Variants in CCDC88A observed in about 807,000 individuals in gnomAD.
CCDC88A encodes the protein coiled-coil and HOOK domain protein 88A, also known as girdin.
Under a neutral mutation model 234.3 loss-of-function variants are expected in CCDC88A, and 54 were observed. That is an observed-to-expected ratio of 0.23 (90% CI 0.19 to 0.29). The LOEUF (loss-of-function observed/expected upper bound fraction) is 0.29, where lower values mean the gene tolerates loss of function less well. Ranked by LOEUF, CCDC88A falls within the 10% of genes least tolerant of loss-of-function variation. The pLI is 1.00. For synonymous variants in CCDC88A, 753 were observed against 737.8 expected (o/e 1.02, Z -0.33); for missense variants, 1,832 against 2,123.4 (o/e 0.86, Z 2.70).
At chr2:55,378,790 G>A (rs1318505052) in intron 3 of CCDC88A, among the ~76,000 whole-genome samples, 2 of 148,196 alleles carry the variant, frequency 1.3e-5, no homozygotes, top group African/African-American at 5.1e-5. Flanking sequence ...CTGTCACCCA[G>A]GCTGGAGTGC....
rs778619367 is a variant in CCDC88A at position 55,317,355 on chromosome 2, G to A, written c.3603-6C>T. On this transcript the variant is annotated splice_polypyrimidine_tract_variant and splice_region_variant and intron_variant, in intron 20 of 32. Coordinates refer to ENST00000436346, the MANE Select transcript of CCDC88A (RefSeq NM_001365480.1). The surrounding 1 kb of genome is among the most constrained non-coding windows in gnomAD (Gnocchi z 4.2). ...GTTTTAATAACTGATTGTAACTGGG[G>A]GGAAAAAAGGCATTTGGTTTATAAT... The A allele has an allele frequency of 1.4e-6, 2 of 1,455,432 alleles. No individual in the cohort carries two copies. The highest frequency in any genetic ancestry group is 1.8e-6 in the Non-Finnish European group (2 of 1,099,164). The allele number at this position is 1,455,432 out of a possible 1,614,324, so 90.2% of individuals were successfully genotyped here. A position where few individuals can be genotyped will look rare whatever the true frequency, so the allele number is the denominator to read the frequency against.
At chr2:55,358,791 A>C (rs1376357977) in intron 7 of CCDC88A, among the ~76,000 whole-genome samples, 2 of 151,920 alleles carry the variant, frequency 1.3e-5, no homozygotes, top group African/African-American at 4.8e-5. Context: ...AAAAAAAATC[A>C]CAATCCCTTC....
In CCDC88A at chr2:55,349,542, T is replaced by C; in HGVS notation, c.858A>G (p.Ile286Met). 1.2e-6 allele frequency: 2 copies of C among 1,613,010 alleles called. No individual in the cohort carries two copies. The highest frequency in any genetic ancestry group is 1.7e-6 in the Non-Finnish European group (2 of 1,179,460). ...CCTCTTGTTGCAGCCTTTTGAGTTC[T>C]ATTTCCATTTGCTCAAGTTCTTGTT... is the stretch of plus-strand genomic sequence containing the variant. ...DCKQELEQMEIELKRLQQENM... is the reference protein window; with the variant it reads ...DCKQELEQMEMELKRLQQENM... Residue 286 changes from isoleucine (I) to methionine (M), a missense_variant, in exon 9 of 33, where the codon ATA becomes ATG. Physicochemically the swap from Ile to Met is conservative, Grantham distance 10 (BLOSUM62 1). Around this residue, in one of 6 missense-constraint regions of CCDC88A, gnomAD observed 1,282 missense variants for 1,543.6 expected, o/e 0.83. Coordinates refer to ENST00000436346, the MANE Select transcript of CCDC88A (RefSeq NM_001365480.1).
At position 55,344,960 on chromosome 2, in the gene CCDC88A, C is replaced by T. The variant is rs571175139; in HGVS notation, c.1042-446G>A. On this transcript the variant is annotated intron_variant, in intron 10 of 32. Coordinates refer to ENST00000436346, the MANE Select transcript of CCDC88A (RefSeq NM_001365480.1). ...ATACCAAGACTTAAACCAGAACTCA[C>T]ATAAATCATAAACCAAGGCTCTATT... 7.2e-5 allele frequency among the ~76,000 whole-genome samples: 11 copies of T among 152,300 alleles called. No individual in the cohort carries two copies. In the East Asian group the frequency reaches 1.2e-3, roughly 16 times the overall value.
chr2:55,366,249 G>C (rs1486262599), intron 5 of CCDC88A, among the ~76,000 whole-genome samples: 1 of 152,128 alleles, frequency 6.6e-6, no homozygotes, highest in African/African-American at 2.4e-5. Flanking sequence ...ATGGAGGCCA[G>C]GCGTGATGGC....
chr2:55,333,454 A>C (rs1384251423), intron 15 of CCDC88A, among the ~76,000 whole-genome samples: 1 of 152,172 alleles, frequency 6.6e-6, no homozygotes, highest in African/African-American at 2.4e-5. Context: ...GAATGGTTGA[A>C]CCTGATTTGC....
At chr2:55,407,484 A>G (rs1336538314) in intron 2 of CCDC88A, among the ~76,000 whole-genome samples, 2 of 151,540 alleles carry the variant, frequency 1.3e-5, no homozygotes, top group Non-Finnish European at 2.9e-5. Context: ...GGGTGCCTAT[A>G]ATCCCAGCTA....
chr2:55,362,252 C>A (rs1486467352), intron 7 of CCDC88A, 56 bp downstream of exon 7: 2 of 1,372,256 alleles, frequency 1.5e-6, no homozygotes, highest in Non-Finnish European at 2.0e-6. Context: ...CCTAAAGCTA[C>A]TATTTTCTTT....
intron 29 of CCDC88A, among the ~76,000 whole-genome samples, chr2:55,299,307 G>C (rs1680603743): frequency 1.3e-5 from 2 of 151,882 alleles, no homozygotes; most frequent in South Asian, 4.2e-4. Context: ...ACCTCACCTT[G>C]GAATGCACAT....
chr2:55,362,695 A>G (rs1397117725), intron 6 of CCDC88A, among the ~76,000 whole-genome samples: 3 of 151,990 alleles, frequency 2.0e-5, no homozygotes, highest in Non-Finnish European at 4.4e-5. Flanking sequence ...ATTAATATTT[A>G]ACTCAAGGCA....
chr2:55,403,331 A>G (rs751142286), intron 2 of CCDC88A: 2 of 152,246 alleles, frequency 1.3e-5, no homozygotes, highest in African/African-American at 2.4e-5. Context: ...TTTGTTATGC[A>G]AGAACATTAT....
chr2:55,330,344 G>A (rs1037455582), intron 16 of CCDC88A, among the ~76,000 whole-genome samples: 3 of 151,928 alleles, frequency 2.0e-5, no homozygotes, highest in African/African-American at 4.8e-5. Flanking sequence ...ATGGTGGTGC[G>A]TGCCTGTAAT....
At chr2:55,401,310 T>C (rs1249437241) in intron 2 of CCDC88A, among the ~76,000 whole-genome samples, 2 of 150,540 alleles carry the variant, frequency 1.3e-5, no homozygotes, top group East Asian at 1.9e-4. Flanking sequence ...GGTGTGTGCC[T>C]GCAGTCCTAG....
chr2:55,382,764 G>A (rs1352870346), intron 3 of CCDC88A, among the ~76,000 whole-genome samples: 1 of 152,142 alleles, frequency 6.6e-6, no homozygotes, highest in Non-Finnish European at 1.5e-5. Context: ...TAACCATAAT[G>A]AAGTATATCT....
chr2:55,371,991 T>C (rs1184530437), intron 5 of CCDC88A, among the ~76,000 whole-genome samples: 1 of 152,184 alleles, frequency 6.6e-6, no homozygotes, highest in East Asian at 1.9e-4. Context: ...AATATAATAA[T>C]AAACAAGATT....
chr2:55,407,356 G>A lies in CCDC88A; in HGVS notation c.164+11460C>T, dbSNP rs552935887. Among the ~76,000 whole-genome samples, 142 of 152,130 alleles carry A rather than the reference G, an allele frequency of 9.3e-4. 1 individual carries two copies. The highest frequency in any genetic ancestry group is 3.1e-3 in the African/African-American group (129 of 41,438). On this transcript the variant is annotated intron_variant, in intron 2 of 32. Coordinates refer to ENST00000436346, the MANE Select transcript of CCDC88A (RefSeq NM_001365480.1). The stretch of plus-strand genomic sequence containing the variant: ...AAGGTGCCTCATGCCTGTAATCCCA[G>A]CACTTTGGGAGACTGAGGCAGGTGC...
chr2:55,364,110 T>C (rs1671664398), intron 5 of CCDC88A, 77 bp from the exon 6 acceptor site: 5 of 634,122 alleles, frequency 7.9e-6, no homozygotes, highest in Non-Finnish European at 1.3e-5. Context: ...ACTAAAACTT[T>C]ATGAGGTTTG....
chr2:55,331,022 G>C (rs1002458854), intron 16 of CCDC88A, among the ~76,000 whole-genome samples: 1 of 152,130 alleles, frequency 6.6e-6, no homozygotes, highest in African/African-American at 2.4e-5. Flanking sequence ...ATTAACATTG[G>C]CTAACTGTAT....
chr2:55,392,720 G>C (rs1676847312), intron 2 of CCDC88A, among the ~76,000 whole-genome samples: 1 of 152,144 alleles, frequency 6.6e-6, no homozygotes, highest in Non-Finnish European at 1.5e-5. Context: ...TGCTCTTGAA[G>C]GTCCTCTTGA....
Sources: allele counts gnomAD v4.1 joint callset (sites outside exome capture counted in the v4.1 genomes callset), GRCh38; gene constraint gnomAD v4.1.1; regional missense constraint gnomAD v4.1.1; non-coding constraint Gnocchi (gnomAD v3.1); transcripts MANE v1.5; gene names NCBI Gene and HGNC (gene_info 2026-07-23, HGNC 2026-07-21).